Variants in NUMB observed in about 807,000 individuals in gnomAD.
NUMB encodes the protein protein numb homolog.
In NUMB, 29 loss-of-function variants were observed where a neutral mutation model predicts 59.7. The observed-to-expected ratio is 0.49, with a 90% CI of 0.36 to 0.66. The LOEUF is 0.66. Among genes scored for constraint, NUMB ranks in the 30% least tolerant of loss-of-function variants. NUMB has a pLI of 0.00. For synonymous variants in NUMB, 288 were observed against 288.2 expected (o/e 1.00, Z 0.01); for missense variants, 723 against 822.0 (o/e 0.88, Z 1.47).
At position 73,284,239 on chromosome 14, in the gene NUMB, C is replaced by T. The variant is rs1305940674; in HGVS notation, c.791G>A (p.Arg264Gln). 2.5e-6 allele frequency: 4 copies of T among 1,614,068 alleles called. No individual in the cohort carries two copies. The highest frequency in any genetic ancestry group is 3.4e-6 in the Non-Finnish European group (4 of 1,179,996). ...AGCAAGCTGTTCAATTGGAGCATGC[C>T]GGCGTGGGATGGCATGAGGATTGTT... is the stretch of plus-strand genomic sequence containing the variant. ...EMNNPHAIPR[R>Q]HAPIEQLARQ... Residue 264 changes from arginine to glutamine, a missense_variant, in exon 10 of 13, where the codon CGG becomes CAG. Arg to Gln is a conservative substitution (Grantham distance 43). Coordinates refer to ENST00000555238, the MANE Select transcript of NUMB (RefSeq NM_001005743.2).
At chr14:73,451,238 C>T (rs1258254141) in intron 1 of NUMB, among the ~76,000 whole-genome samples, 2 of 148,948 alleles carry the variant, frequency 1.3e-5, no homozygotes, top group East Asian at 3.9e-4. Flanking sequence ...GAGTTCAATA[C>T]CAGCCTGGCC....
chr14:73,405,158 A>G (rs1294722262), intron 2 of NUMB, among the ~76,000 whole-genome samples: 1 of 152,240 alleles, frequency 6.6e-6, no homozygotes, highest in Admixed American at 6.5e-5. Flanking sequence ...GATGGAATGC[A>G]TGAACAGCTA....
rs915767954 is a variant in NUMB at position 73,415,425 on chromosome 14, A to G, written c.-232-5357T>C. 5.9e-5 allele frequency among the ~76,000 whole-genome samples: 9 copies of G among 152,318 alleles called. No individual in the cohort carries two copies. In the South Asian group the frequency reaches 1.0e-3, roughly 18 times the overall value. ...CTAAAGTAACACTTCACATTTTTCT[A>G]TGATTACACTCCACATCTTTCTGCC... is the stretch of plus-strand genomic sequence containing the variant. On this transcript the variant is annotated intron_variant, in intron 1 of 12. Transcript: ENST00000555238.
At chr14:73,285,359 T>A (rs2333193) in intron 9 of NUMB, 38,307 of 152,000 alleles carry the variant, frequency 0.25, 5,657 homozygotes, top group East Asian at 0.68. Flanking sequence ...TAACAATGAA[T>A]ATTATTTGGT....
chr14:73,287,036 C>A (rs1354162139), intron 9 of NUMB, 74 bp downstream of exon 9: 1 of 1,393,156 alleles, frequency 7.2e-7, no homozygotes, highest in Non-Finnish European at 1.0e-6. Context: ...AAAATTTACC[C>A]CTGGTAGCTT....
chr14:73,287,352 C>G, intron 8 of NUMB, 38 bp from the exon 9 acceptor site: 4 of 1,487,946 alleles, frequency 2.7e-6, no homozygotes, highest in Non-Finnish European at 2.8e-6. Flanking sequence ...CAGAATTACA[C>G]TACTAACAAT....
chr14:73,422,726 C>T (rs1236718771), intron 1 of NUMB, among the ~76,000 whole-genome samples: 2 of 151,950 alleles, frequency 1.3e-5, no homozygotes, highest in Non-Finnish European at 1.5e-5. Flanking sequence ...CCACATCTCA[C>T]GTAAACTCAC....
At chr14:73,322,742 C>A (rs1288375615) in intron 5 of NUMB, 1 of 152,364 alleles carries the variant, frequency 6.6e-6, no homozygotes, top group Admixed American at 6.5e-5. Context: ...ATCAAAAGTA[C>A]CTTTAGGATA....
At chr14:73,387,459 A>T (rs1017161306) in intron 2 of NUMB, among the ~76,000 whole-genome samples, 1 of 152,132 alleles carries the variant, frequency 6.6e-6, no homozygotes, top group African/African-American at 2.4e-5. Context: ...TTTTGTAAAA[A>T]ACCTCACAAA....
chr14:73,282,635 G>T, intron 10 of NUMB, 130 bp from the exon 11 acceptor site: 2 of 967,220 alleles, frequency 2.1e-6, no homozygotes, highest in Non-Finnish European at 2.9e-6. Context: ...TAACTGTATG[G>T]CAGGGCTACA....
intron 2 of NUMB, among the ~76,000 whole-genome samples, chr14:73,375,172 G>A (rs765202164): frequency 6.6e-6 from 1 of 152,068 alleles, no homozygotes; most frequent in African/African-American, 2.4e-5. Context: ...AAGATATCTA[G>A]TCTTTCTTAG....
At chr14:73,310,571 A>G (rs1379214758) in intron 6 of NUMB, among the ~76,000 whole-genome samples, 6 of 152,196 alleles carry the variant, frequency 3.9e-5, no homozygotes, top group African/African-American at 1.2e-4. Context: ...AGAACTTTGC[A>G]CTAAGTTTCA....
At chr14:73,407,201 C>T (rs539699676) in intron 2 of NUMB, among the ~76,000 whole-genome samples, 1 of 152,180 alleles carries the variant, frequency 6.6e-6, no homozygotes, top group South Asian at 2.1e-4. Context: ...CCTGTCATCC[C>T]AGCCCTTTGG....
At chr14:73,457,007 A>G (rs1040269507) in intron 1 of NUMB, among the ~76,000 whole-genome samples, 3 of 152,078 alleles carry the variant, frequency 2.0e-5, no homozygotes, top group Non-Finnish European at 2.9e-5. Context: ...ACTATGTGCC[A>G]GTCACTATCC....
At chr14:73,310,753 A>C (rs1329120787) in intron 6 of NUMB, among the ~76,000 whole-genome samples, 2 of 152,192 alleles carry the variant, frequency 1.3e-5, no homozygotes. Flanking sequence ...TAAACTATAA[A>C]GCTCTATATA....
chr14:73,442,426 T>C (rs1281016748), intron 1 of NUMB, among the ~76,000 whole-genome samples: 2 of 151,948 alleles, frequency 1.3e-5, no homozygotes, highest in Non-Finnish European at 2.9e-5. Flanking sequence ...AAAAAAGAAA[T>C]GAAAACACAT....
chr14:73,322,228 T>C (rs537487964), intron 5 of NUMB, among the ~76,000 whole-genome samples: 11 of 152,310 alleles, frequency 7.2e-5, no homozygotes, highest in African/African-American at 2.4e-4. Context: ...GAAGGAGGGT[T>C]GTGAAAAGGG....
At chr14:73,458,040 C>G (rs1473565911) in intron 1 of NUMB, 2 of 152,546 alleles carry the variant, frequency 1.3e-5, no homozygotes, top group African/African-American at 2.4e-5. Flanking sequence ...CCGGGCTTCC[C>G]GGATTCCTTT....
intron 1 of NUMB, among the ~76,000 whole-genome samples, chr14:73,446,770 T>TAAACATATATATATA (rs1883542965): frequency 6.6e-6 from 1 of 150,852 alleles, no homozygotes; most frequent in Non-Finnish European, 1.5e-5. Flanking sequence ...AAAAAAAAAA[T>TAAACATATATATATA]TAATAAATAA....
Sources: allele counts gnomAD v4.1 joint callset (sites outside exome capture counted in the v4.1 genomes callset), GRCh38; gene constraint gnomAD v4.1.1; transcripts MANE v1.5; gene names NCBI Gene and HGNC (gene_info 2026-07-23, HGNC 2026-07-21).